The following PTPRD variants were observed in gnomAD, a reference collection of about 807,000 sequenced individuals.
PTPRD encodes the protein receptor-type tyrosine-protein phosphatase delta.
In PTPRD, 34 loss-of-function variants were observed where a neutral mutation model predicts 214.5. The observed-to-expected ratio is 0.16, with a 90% CI of 0.12 to 0.21. The LOEUF (loss-of-function observed/expected upper bound fraction) is 0.21. Ranked by LOEUF, PTPRD falls within the 10% of genes least tolerant of loss-of-function variation. The pLI, the probability that PTPRD is intolerant of heterozygous loss-of-function variation, is 1.00. For synonymous variants in PTPRD, 1,128 were observed against 845.7 expected (o/e 1.33, Z -5.79); for missense variants, 2,545 against 2,398.7 (o/e 1.06, Z -1.27).
At chr9:9,025,050 G>T (rs1013038121) in intron 10 of PTPRD, among the ~76,000 whole-genome samples, 2 of 151,848 alleles carry the variant, frequency 1.3e-5, no homozygotes, top group Non-Finnish European at 2.9e-5. Context: ...TCGTTGTTTA[G>T]TCCCTTGTAA....
intron 10 of PTPRD, among the ~76,000 whole-genome samples, chr9:9,182,410 C>T (rs181847055): frequency 2.5e-4 from 38 of 152,108 alleles, no homozygotes; most frequent in African/African-American, 8.9e-4. Context: ...AACTTTTAAA[C>T]CTCACAGACT....
At chr9:10,205,989 G>T (rs1378977192) in intron 3 of PTPRD, among the ~76,000 whole-genome samples, 1 of 150,516 alleles carries the variant, frequency 6.6e-6, no homozygotes, top group Non-Finnish European at 1.5e-5. Flanking sequence ...ATCTAGTAGA[G>T]GAGTCTGATA....
At chr9:9,779,078 C>CCAA (rs1282567404) in intron 5 of PTPRD, among the ~76,000 whole-genome samples, 82 of 45,476 alleles carry the variant, frequency 1.8e-3, no homozygotes, top group Non-Finnish European at 2.3e-3. Flanking sequence ...ATAAGACTGA[C>CCAA]AAAAAAAAAA....
intron 3 of PTPRD, among the ~76,000 whole-genome samples, chr9:10,187,589 C>T (rs558413664): frequency 6.6e-6 from 1 of 152,262 alleles, no homozygotes; most frequent in East Asian, 1.9e-4. Context: ...TTACTAACAC[C>T]ATATTTCTAA....
At chr9:10,242,940 GGA>G (rs375926103) in intron 3 of PTPRD, among the ~76,000 whole-genome samples, 6 of 147,188 alleles carry the variant, frequency 4.1e-5, no homozygotes, top group African/African-American at 9.9e-5. Context: ...AGGGAGGGAG[GGA>G]GAGAGAGAGA....
At chr9:9,796,380 T>G (rs953838494) in intron 5 of PTPRD, among the ~76,000 whole-genome samples, 1 of 152,180 alleles carries the variant, frequency 6.6e-6, no homozygotes, top group African/African-American at 2.4e-5. Context: ...AGATATGTGC[T>G]GTCTGAGGAA....
At chr9:8,465,799 A>G in intron 31 of PTPRD, 124 bp from the exon 32 acceptor site, 1 of 717,232 alleles carries the variant, frequency 1.4e-6, no homozygotes, top group Non-Finnish European at 2.3e-6. Context: ...CACATTTCAT[A>G]TAGCACATCA....
intron 11 of PTPRD, among the ~76,000 whole-genome samples, chr9:8,781,979 T>A (rs748993586): frequency 6.6e-6 from 1 of 152,128 alleles, no homozygotes; most frequent in Non-Finnish European, 1.5e-5. Flanking sequence ...TTTCTTTTTT[T>A]TTTTATTTTT....
intron 14 of PTPRD, among the ~76,000 whole-genome samples, chr9:8,562,015 A>C (rs2154211479): frequency 6.6e-6 from 1 of 152,302 alleles, no homozygotes; most frequent in East Asian, 1.9e-4. Flanking sequence ...ATTTAACCAC[A>C]AACTGGGAAT....
chr9:10,589,369 T>C (rs111884192), intron 2 of PTPRD, among the ~76,000 whole-genome samples: 3,283 of 152,082 alleles, frequency 0.022, 120 homozygotes, highest in African/African-American at 0.075. Context: ...AAATTATCAG[T>C]GAAGTGTGGG....
At chr9:8,919,544 C>T (rs1449850978) in intron 11 of PTPRD, among the ~76,000 whole-genome samples, 1 of 152,114 alleles carries the variant, frequency 6.6e-6, no homozygotes. Flanking sequence ...GCAAAACCTG[C>T]TGATTAATGA....
At chr9:10,281,000 A>G (rs562628499) in intron 3 of PTPRD, among the ~76,000 whole-genome samples, 5 of 152,164 alleles carry the variant, frequency 3.3e-5, no homozygotes, top group Non-Finnish European at 7.4e-5. Flanking sequence ...CTAGAAAGAA[A>G]CAAATTCTAT....
intron 11 of PTPRD, among the ~76,000 whole-genome samples, chr9:8,840,094 T>A (rs2097529564): frequency 6.6e-6 from 1 of 152,192 alleles, no homozygotes. Flanking sequence ...AATAGATGAA[T>A]AAAAGTTACG....
At chr9:9,892,762 G>A (rs2073803548) in intron 5 of PTPRD, among the ~76,000 whole-genome samples, 1 of 151,498 alleles carries the variant, frequency 6.6e-6, no homozygotes. Context: ...AAAAAATTGT[G>A]TCTTGTTCAG....
intron 8 of PTPRD, among the ~76,000 whole-genome samples, chr9:9,402,979 A>AC (rs1457935107): frequency 4.4e-4 from 64 of 144,172 alleles, no homozygotes; most frequent in African/African-American, 6.5e-4. Context: ...AAAAAAAAAA[A>AC]AAAAAAAAAA....
At chr9:9,837,192 G>A (rs2057012223) in intron 5 of PTPRD, among the ~76,000 whole-genome samples, 1 of 152,196 alleles carries the variant, frequency 6.6e-6, no homozygotes, top group East Asian at 1.9e-4. Context: ...CTCCCAGTTT[G>A]CAAGATAATG....
intron 14 of PTPRD, among the ~76,000 whole-genome samples, chr9:8,549,106 T>G (rs2140593865): frequency 6.6e-6 from 1 of 152,292 alleles, no homozygotes; most frequent in East Asian, 1.9e-4. Flanking sequence ...GTTAGGTAGT[T>G]ACTATATTAG....
chr9:9,443,010 G>C (rs2088811834), intron 8 of PTPRD, among the ~76,000 whole-genome samples: 2 of 152,170 alleles, frequency 1.3e-5, no homozygotes, highest in East Asian at 1.9e-4. Flanking sequence ...TTAGTGATAA[G>C]TATTCTTTCT....
chr9:10,384,927 G>A (rs550337176), intron 2 of PTPRD, among the ~76,000 whole-genome samples: 1 of 151,662 alleles, frequency 6.6e-6, no homozygotes, highest in Non-Finnish European at 1.5e-5. Context: ...GACTCTCACT[G>A]GGATTCTAAC....
Sources: gnomAD v4.1 joint callset for allele counts (sites outside exome capture counted in the v4.1 genomes callset) on GRCh38, gnomAD v4.1.1 for gene constraint, MANE v1.5 for transcripts, NCBI Gene and HGNC (gene_info 2026-07-23, HGNC 2026-07-21) for gene names.